Variants in LRP1B observed in about 807,000 individuals in gnomAD.
The protein encoded by LRP1B is low-density lipoprotein receptor-related protein 1B.
LRP1B carries 217 observed loss-of-function variants against 556.6 expected under a neutral mutation model. The ratio of observed to expected loss-of-function variants is 0.39; its 90% CI spans 0.35 to 0.44. LRP1B has a LOEUF of 0.44. Among genes scored for constraint, LRP1B ranks in the 20% least tolerant of loss-of-function variants. LRP1B has a pLI of 1.00. For missense variants in LRP1B, 5,053 were observed against 5,620.8 expected, an observed-to-expected ratio of 0.90 and a Z score of 3.23; for synonymous variants, 2,047 against 1,865.8, an observed-to-expected ratio of 1.10 and a Z score of -2.50.
At chr2:140,680,134 T>C (rs1685811672) in intron 41 of LRP1B, among the ~76,000 whole-genome samples, 1 of 151,902 alleles carries the variant, frequency 6.6e-6, no homozygotes, top group Non-Finnish European at 1.5e-5. Flanking sequence ...CACTTAAGAG[T>C]AAGAAACTTT....
In LRP1B at chr2:140,286,217, A is replaced by G. The variant is rs947625049; in HGVS notation, c.12967+11591T>C. On this transcript the variant is annotated intron_variant, in intron 84 of 90. Transcript: ENST00000389484. ...GCAGAGAACAAGAGTAATACTGCTG[A>G]TTGTTTAGCTTTAAAACCCCTAAGC... 4.6e-5 allele frequency among the ~76,000 whole-genome samples: 7 copies of G among 151,954 alleles called. No individual in the cohort carries two copies. The East Asian group carries it at 1.2e-3, about 25-fold the overall frequency.
chr2:141,655,084 C>T (rs1689952075), intron 2 of LRP1B, among the ~76,000 whole-genome samples: 1 of 152,116 alleles, frequency 6.6e-6, no homozygotes, highest in African/African-American at 2.4e-5. Flanking sequence ...GCTTTACCAT[C>T]TTTTGTATCA....
intron 1 of LRP1B, among the ~76,000 whole-genome samples, chr2:142,053,533 G>A (rs1209397931): frequency 6.6e-6 from 1 of 151,990 alleles, no homozygotes; most frequent in African/African-American, 2.4e-5. Context: ...CTATAGATAT[G>A]TAATAGAAAA....
intron 25 of LRP1B, among the ~76,000 whole-genome samples, chr2:140,869,993 C>T (rs1483985050): frequency 6.6e-6 from 1 of 152,078 alleles, no homozygotes; most frequent in South Asian, 2.1e-4. Context: ...TCTTGTTTCT[C>T]TCTTCTTTGC....
intron 23 of LRP1B, among the ~76,000 whole-genome samples, chr2:140,894,503 A>G (rs1402131024): frequency 6.7e-6 from 1 of 148,488 alleles, no homozygotes; most frequent in East Asian, 2.0e-4. Flanking sequence ...AAAATCAAAG[A>G]TAAGTTGAGG....
chr2:140,766,834 T>TA (rs1553527375), intron 35 of LRP1B, among the ~76,000 whole-genome samples: 3 of 24,062 alleles, frequency 1.2e-4, no homozygotes, highest in African/African-American at 2.3e-4. Context: ...TATATATATA[T>TA]ATATATATAT....
intron 27 of LRP1B, among the ~76,000 whole-genome samples, chr2:140,852,340 C>T (rs1350291023): frequency 6.6e-6 from 1 of 151,778 alleles, no homozygotes; most frequent in Non-Finnish European, 1.5e-5. Flanking sequence ...AAGAAACAAA[C>T]AAAAAAAGAC....
At chr2:141,054,077 T>G (rs1006110227) in intron 10 of LRP1B, among the ~76,000 whole-genome samples, 1 of 152,022 alleles carries the variant, frequency 6.6e-6, no homozygotes, top group Non-Finnish European at 1.5e-5. Flanking sequence ...GCATACATTT[T>G]AACATAGTTT....
intron 16 of LRP1B, chr2:140,992,413 C>A (rs945380034): frequency 1.9e-4 from 29 of 152,046 alleles, no homozygotes; most frequent in African/African-American, 7.0e-4. Flanking sequence ...ACAAGTCACA[C>A]TGATGAAAAC....
At chr2:141,787,760 C>A (rs1055188662) in intron 2 of LRP1B, among the ~76,000 whole-genome samples, 18 of 151,608 alleles carry the variant, frequency 1.2e-4, no homozygotes, top group Middle Eastern at 3.4e-3. Flanking sequence ...AAAAAAAAAA[C>A]CACTGATTTT....
In LRP1B at chr2:141,254,544, T is replaced by A; in HGVS notation, c.441A>T (p.Thr147=). The A allele has an allele frequency of 1.2e-6, 2 of 1,612,132 alleles. No individual in the cohort carries two copies. Among genetic ancestry groups the A allele is most frequent in the Non-Finnish European group, 1.7e-6 (2 of 1,178,690 alleles). ...RCYCEDGFEI[T]EDGRSCKDQD... is the part of the protein sequence containing the mutation. ...TACCTTTACAGCTTCTCCCATCTTC[T>A]GTTATTTCGAATCCATCCTCACAGT... Residue 147 remains threonine, a synonymous_variant, in exon 4 of 91, where the codon ACA becomes ACT. Coordinates refer to ENST00000389484, the MANE Select transcript of LRP1B (RefSeq NM_018557.3).
At chr2:140,602,469 AATT>A (rs777379866) in intron 41 of LRP1B, among the ~76,000 whole-genome samples, 38 of 152,036 alleles carry the variant, frequency 2.5e-4, no homozygotes, top group Non-Finnish European at 5.3e-4. Flanking sequence ...CTTTACTCAG[AATT>A]ATTATTCTGA....
chr2:140,942,776 T>C (rs1157886602), intron 20 of LRP1B, among the ~76,000 whole-genome samples: 2 of 152,108 alleles, frequency 1.3e-5, no homozygotes, highest in African/African-American at 2.4e-5. Context: ...TTATAACAGA[T>C]GTTTAAGGGA....
intron 1 of LRP1B, among the ~76,000 whole-genome samples, chr2:142,111,551 CTTTATTGGATT>C (rs1706989231): frequency 6.6e-6 from 1 of 152,086 alleles, no homozygotes; most frequent in South Asian, 2.1e-4. Flanking sequence ...GTTTTAACTT[CTTTATTGGATT>C]TTTATAACCT....
chr2:141,830,197 G>C (rs895489726), intron 1 of LRP1B, among the ~76,000 whole-genome samples: 3 of 151,700 alleles, frequency 2.0e-5, no homozygotes, highest in Non-Finnish European at 3.0e-5. Flanking sequence ...TTCTCCTTAA[G>C]CAGACTACTT....
intron 7 of LRP1B, among the ~76,000 whole-genome samples, chr2:141,066,315 C>T (rs564134190): frequency 2.0e-5 from 3 of 152,004 alleles, no homozygotes; most frequent in East Asian, 1.9e-4. Flanking sequence ...TGAGCAGCCC[C>T]GTTTCACTAC....
chr2:141,252,794 A>G (rs1182611357), intron 4 of LRP1B, among the ~76,000 whole-genome samples: 1 of 152,142 alleles, frequency 6.6e-6, no homozygotes, highest in Non-Finnish European at 1.5e-5. Context: ...CTTTAAAGAC[A>G]GAGGGCTACC....
chr2:141,739,725 C>A (rs954457749), intron 2 of LRP1B, among the ~76,000 whole-genome samples: 7 of 148,878 alleles, frequency 4.7e-5, no homozygotes, highest in African/African-American at 9.9e-5. Context: ...TTGATCAATA[C>A]CAATGAATAA....
At chr2:141,659,270 T>C (rs1408243884) in intron 2 of LRP1B, among the ~76,000 whole-genome samples, 1 of 152,122 alleles carries the variant, frequency 6.6e-6, no homozygotes, top group African/African-American at 2.4e-5. Flanking sequence ...CAGTAAATAT[T>C]TTAGGTTTTT....
Sources: gnomAD v4.1 joint callset for allele counts (sites outside exome capture counted in the v4.1 genomes callset) on GRCh38, gnomAD v4.1.1 for gene constraint, MANE v1.5 for transcripts, NCBI Gene and HGNC (gene_info 2026-07-23, HGNC 2026-07-21) for gene names.